Variants in HTR1F observed in about 807,000 individuals in gnomAD.
HTR1F encodes the protein 5-hydroxytryptamine (serotonin) receptor 1F, G protein-coupled.
In HTR1F, 17 loss-of-function variants were observed where a neutral mutation model predicts 24.0. The observed-to-expected ratio is 0.71, with a 90% confidence interval of 0.48 to 1.06. The LOEUF (loss-of-function observed/expected upper bound fraction) is 1.06. Ranked by LOEUF, HTR1F falls within the 50% of genes least tolerant of loss-of-function variation. The probability of loss-of-function intolerance (pLI) is 0.00; values close to 1 mark genes in which losing one functional copy is unlikely to be tolerated. For synonymous variants in HTR1F, 186 were observed against 156.8 expected (o/e 1.19, Z -1.39); for missense variants, 391 against 427.8 (o/e 0.91, Z 0.76).
intron 2 of HTR1F, among the ~76,000 whole-genome samples, chr3:87,833,430 A>C (rs1704622779): frequency 6.6e-6 from 1 of 152,142 alleles, no homozygotes; most frequent in Non-Finnish European, 1.5e-5. Flanking sequence ...TTGGGTCAGA[A>C]CCTGTGAGCT....
intron 2 of HTR1F, among the ~76,000 whole-genome samples, chr3:87,909,767 C>G (rs1443367507): frequency 6.6e-6 from 1 of 152,000 alleles, no homozygotes; most frequent in Non-Finnish European, 1.5e-5. Context: ...TGCTATATTC[C>G]TCCATTCACG....
intron 2 of HTR1F, among the ~76,000 whole-genome samples, chr3:87,949,412 G>A (rs754108554): frequency 7.6e-4 from 116 of 152,034 alleles, no homozygotes; most frequent in Admixed American, 5.2e-4. Flanking sequence ...TCAGTCCTTA[G>A]AAGAGGACTC....
chr3:87,985,172 C>T (rs536403356), intron 2 of HTR1F, among the ~76,000 whole-genome samples: 151 of 152,100 alleles, frequency 9.9e-4, no homozygotes, highest in African/African-American at 3.6e-3. Flanking sequence ...CCCCTCTCTA[C>T]TAAAAATACA....
chr3:87,955,879 GT>G (rs1048272615), intron 2 of HTR1F, among the ~76,000 whole-genome samples: 3 of 151,346 alleles, frequency 2.0e-5, no homozygotes, highest in African/African-American at 4.8e-5. Context: ...TTTTAAGTGA[GT>G]TTTTTTAAAT....
intron 2 of HTR1F, among the ~76,000 whole-genome samples, chr3:87,919,870 ATCT>A (rs1009729442): frequency 3.3e-5 from 5 of 152,006 alleles, no homozygotes; most frequent in African/African-American, 1.2e-4. Flanking sequence ...ACTACTGGGT[ATCT>A]ACCCATAGGA....
chr3:87,978,512 A>G (rs958045829), intron 2 of HTR1F, among the ~76,000 whole-genome samples: 9 of 152,022 alleles, frequency 5.9e-5, no homozygotes, highest in African/African-American at 2.2e-4. Flanking sequence ...CTCTCAGGAG[A>G]CCCAGAGTGG....
chr3:87,922,580 T>G lies in HTR1F; in HGVS notation c.-42-68128T>G, dbSNP rs1219063872. Among the ~76,000 whole-genome samples, 6 of 151,974 alleles carry G rather than the reference T, an allele frequency of 3.9e-5. 1 individual carries two copies. The highest frequency in any genetic ancestry group is 1.5e-5 in the Non-Finnish European group (1 of 67,902). On this transcript the variant is annotated intron_variant, in intron 2 of 2. Transcript: ENST00000319595. ...TACTTTTAAGATCTTATTTATAAAA[T>G]TTATAAAGTTTTTGCCCAGGCCAAT...
intron 2 of HTR1F, among the ~76,000 whole-genome samples, chr3:87,841,393 G>A (rs1704798997): frequency 6.6e-6 from 1 of 151,654 alleles, no homozygotes; most frequent in African/African-American, 2.4e-5. Context: ...ATCAAATCTG[G>A]CAGCGAATAT....
chr3:87,873,575 A>G (rs1224837562), intron 2 of HTR1F, among the ~76,000 whole-genome samples: 2 of 152,172 alleles, frequency 1.3e-5, no homozygotes, highest in Non-Finnish European at 2.9e-5. Flanking sequence ...ACCCTCAAAG[A>G]CATACCCAGA....
At chr3:87,806,552 T>C (rs1575890495) in intron 1 of HTR1F, among the ~76,000 whole-genome samples, 1 of 152,112 alleles carries the variant, frequency 6.6e-6, no homozygotes, top group Non-Finnish European at 1.5e-5. Flanking sequence ...ATTCTAGATA[T>C]TAGTCCCTTG....
intron 2 of HTR1F, among the ~76,000 whole-genome samples, chr3:87,927,870 G>A (rs186159505): frequency 6.3e-4 from 95 of 151,988 alleles, no homozygotes; most frequent in African/African-American, 1.8e-3. Context: ...ATAATTTTAC[G>A]GAGGATGATT....
chr3:87,862,317 T>G (rs992888109), intron 2 of HTR1F, among the ~76,000 whole-genome samples: 11 of 152,212 alleles, frequency 7.2e-5, no homozygotes, highest in East Asian at 1.9e-4. Context: ...CCAAGTAAAC[T>G]TCATTTGTTT....
rs376687090 is a variant in HTR1F, at chr3:87,889,489, T to C, written c.-43+67365T>C. Among the ~76,000 whole-genome samples, 287 of 152,294 alleles carry C rather than the reference T, an allele frequency of 1.9e-3. 2 individuals carry two copies. The highest frequency in any genetic ancestry group is 0.015 in the South Asian group (73 of 4,820). On this transcript the variant is annotated intron_variant, in intron 2 of 2. Transcript: ENST00000319595. ...AACACAAAAGATCTAATTTTATCAATTTAAGCATAGAAAACATCTCTTTTT... is the reference window on the plus strand; with the variant it reads ...AACACAAAAGATCTAATTTTATCAACTTAAGCATAGAAAACATCTCTTTTT...
intron 2 of HTR1F, among the ~76,000 whole-genome samples, chr3:87,892,559 T>A (rs958432896): frequency 6.6e-6 from 1 of 152,132 alleles, no homozygotes; most frequent in African/African-American, 2.4e-5. Flanking sequence ...AACAAGGGGA[T>A]AAAATCAGGC....
At chr3:87,818,860 A>G (rs1704300665) in intron 1 of HTR1F, among the ~76,000 whole-genome samples, 1 of 152,180 alleles carries the variant, frequency 6.6e-6, no homozygotes, top group Non-Finnish European at 1.5e-5. Flanking sequence ...AGAGTATGGT[A>G]TAGCTGGGTA....
intron 2 of HTR1F, among the ~76,000 whole-genome samples, chr3:87,916,235 A>C (rs1439461602): frequency 6.6e-6 from 1 of 151,510 alleles, no homozygotes; most frequent in Non-Finnish European, 1.5e-5. Context: ...CTGGAAACAC[A>C]TCAAAAAAGG....
intron 2 of HTR1F, among the ~76,000 whole-genome samples, chr3:87,927,855 G>T (rs1316924165): frequency 2.6e-5 from 4 of 151,970 alleles, no homozygotes; most frequent in Admixed American, 1.3e-4. Flanking sequence ...ATTAATACTA[G>T]TTAAATAATT....
chr3:87,857,594 T>A (rs1305579530), intron 2 of HTR1F, among the ~76,000 whole-genome samples: 1 of 152,102 alleles, frequency 6.6e-6, no homozygotes, highest in South Asian at 2.1e-4. Flanking sequence ...ACTTTTTTTT[T>A]AGAGTAATTT....
chr3:87,818,360 G>T (rs1033328721), intron 1 of HTR1F, among the ~76,000 whole-genome samples: 1 of 152,164 alleles, frequency 6.6e-6, no homozygotes, highest in Non-Finnish European at 1.5e-5. Context: ...GCACAGCAGG[G>T]TTGCGTATTT....
Sources: gnomAD v4.1 joint callset for allele counts (sites outside exome capture counted in the v4.1 genomes callset) on GRCh38, gnomAD v4.1.1 for gene constraint, MANE v1.5 for transcripts, NCBI Gene and HGNC (gene_info 2026-07-23, HGNC 2026-07-21) for gene names.